MECOM: variants seen among roughly 807,000 people sequenced by gnomAD.
MECOM encodes the protein MDS1 and EVI1 complex locus.
A neutral mutation model predicts 116.3 loss-of-function variants in MECOM; 13 were observed. The observed-to-expected ratio is 0.11, with a 90% CI of 0.07 to 0.18. The LOEUF (loss-of-function observed/expected upper bound fraction) is 0.18. MECOM is among the 10% of genes least tolerant of loss of function. MECOM has a pLI of 1.00. For missense variants in MECOM, 1,299 were observed against 1,509.0 expected, an observed-to-expected ratio of 0.86 and a Z score of 2.31; for synonymous variants, 528 against 535.2, an observed-to-expected ratio of 0.99 and a Z score of 0.19.
At chr3:169,562,406 A>G (rs1762762092) in intron 1 of MECOM, among the ~76,000 whole-genome samples, 1 of 152,018 alleles carries the variant, frequency 6.6e-6, no homozygotes, top group Non-Finnish European at 1.5e-5. Flanking sequence ...GAGGTGTGGC[A>G]TGTTAGAAAT....
intron 1 of MECOM, among the ~76,000 whole-genome samples, chr3:169,462,272 A>G (rs1747573887): frequency 6.6e-6 from 1 of 152,148 alleles, no homozygotes; most frequent in East Asian, 1.9e-4. Context: ...CATTATATAG[A>G]TGTAATATTA....
chr3:169,161,147 C>A lies in MECOM; in HGVS notation c.376-17315G>T, dbSNP rs145280009. Among the ~76,000 whole-genome samples the A allele has an allele frequency of 6.2e-3, 948 of 152,300 alleles. 11 individuals are homozygous for A. The highest frequency in any genetic ancestry group is 0.02 in the African/African-American group (838 of 41,562). ...TTGATGATTAAGTCATGGTCACCAC[C>A]TTTAAGTAGCTTTAAAATCCAATGA... On this transcript the variant is annotated intron_variant, in intron 2 of 16. Transcript: ENST00000651503.
At position 169,378,505 on chromosome 3, in the gene MECOM, GA is replaced by G. The variant is rs1560197767; in HGVS notation, c.375+2681del. On this transcript the variant is annotated intron_variant, in intron 2 of 16. Transcript: ENST00000651503. ...AGAGAGAGAGAAAGAAAGAAAGAAA[GA>G]AAGAAAGAAAAGAAAGAAAGAAAGA... 1.3e-3 allele frequency among the ~76,000 whole-genome samples: 30 copies of G among 23,408 alleles called. 3 individuals are homozygous for G. Among genetic ancestry groups the G allele is most frequent in the Non-Finnish European group, 2.0e-3 (27 of 13,246 alleles). 15.4% of individuals were successfully genotyped at this position (23,408 alleles called of 152,430 possible). A position where few individuals can be genotyped will look rare whatever the true frequency, so the allele number is the denominator to read the frequency against.
At chr3:169,157,647 T>C (rs1417037479) in intron 2 of MECOM, among the ~76,000 whole-genome samples, 2 of 152,230 alleles carry the variant, frequency 1.3e-5, no homozygotes, top group Non-Finnish European at 2.9e-5. Flanking sequence ...GAGTAAATTC[T>C]TCAACTTCAA....
At position 169,556,027 on chromosome 3, in the gene MECOM, T is replaced by C. The variant is rs541140448; in HGVS notation, c.37+107309A>G. 3.9e-5 allele frequency among the ~76,000 whole-genome samples: 6 copies of C among 152,362 alleles called. No individual in the cohort carries two copies. The South Asian group carries it at 1.2e-3, about 32-fold the overall frequency. ...AGATTTACTTACAGCAAGCATCTTT[T>C]GTAGTTGAGAAAATGTGGATTGTAA... On this transcript the variant is annotated intron_variant, in intron 1 of 16. Coordinates refer to ENST00000651503, the MANE Select transcript of MECOM (RefSeq NM_004991.4).
intron 2 of MECOM, among the ~76,000 whole-genome samples, chr3:169,366,124 G>C (rs911636396): frequency 2.6e-5 from 4 of 151,922 alleles, no homozygotes; most frequent in South Asian, 4.2e-4. Flanking sequence ...CTTCATTAAG[G>C]CTAGATGAGG....
intron 1 of MECOM, among the ~76,000 whole-genome samples, chr3:169,381,984 G>C (rs1018864045): frequency 2.7e-4 from 41 of 152,278 alleles, no homozygotes; most frequent in Non-Finnish European, 4.3e-4. Flanking sequence ...TCCAAAGGCT[G>C]CCATGTGCCA....
chr3:169,088,865 T>G lies in MECOM; in HGVS notation c.3585+135A>C, dbSNP rs116591891. On this transcript the variant is annotated intron_variant, in intron 16 of 16. Coordinates refer to ENST00000651503, the MANE Select transcript of MECOM (RefSeq NM_004991.4). ...CATAAATACAGTAAAGATATGAACATTTTTAGAAAGGCATCTGACCCCATT... is the reference window on the plus strand; with the variant it reads ...CATAAATACAGTAAAGATATGAACAGTTTTAGAAAGGCATCTGACCCCATT... 2,514 of 736,004 alleles carry G rather than the reference T, an allele frequency of 3.4e-3. 4 individuals are homozygous for G. Among genetic ancestry groups the G allele is most frequent in the Admixed American group, 4.8e-3 (133 of 27,792 alleles). 45.6% of individuals were successfully genotyped at this position (736,004 alleles called of 1,614,324 possible).
intron 2 of MECOM, among the ~76,000 whole-genome samples, chr3:169,377,184 G>A (rs1284363946): frequency 6.6e-6 from 1 of 152,028 alleles, no homozygotes; most frequent in East Asian, 1.9e-4. Context: ...AACTCAAGAT[G>A]GATTAAGATT....
At chr3:169,251,294 G>T (rs983191607) in intron 2 of MECOM, among the ~76,000 whole-genome samples, 8 of 152,170 alleles carry the variant, frequency 5.3e-5, no homozygotes, top group Non-Finnish European at 1.2e-4. Flanking sequence ...GTTGGTACAA[G>T]TTTGAGTTAG....
intron 9 of MECOM, among the ~76,000 whole-genome samples, chr3:169,110,047 T>A (rs1017622030): frequency 6.6e-6 from 1 of 152,144 alleles, no homozygotes; most frequent in South Asian, 2.1e-4. Flanking sequence ...AAGATCCAGA[T>A]GCTGAGAGGG....
intron 1 of MECOM, among the ~76,000 whole-genome samples, chr3:169,560,449 A>G (rs1277735359): frequency 6.6e-6 from 1 of 152,132 alleles, no homozygotes; most frequent in East Asian, 1.9e-4. Context: ...TTTACTTTTA[A>G]TATTTAACAA....
chr3:169,521,939 G>A (rs1757396434), intron 1 of MECOM, among the ~76,000 whole-genome samples: 1 of 152,116 alleles, frequency 6.6e-6, no homozygotes, highest in African/African-American at 2.4e-5. Context: ...CATTGTATTA[G>A]GTAATATAAG....
intron 1 of MECOM, among the ~76,000 whole-genome samples, chr3:169,637,531 G>A (rs1772962194): frequency 6.6e-6 from 1 of 152,144 alleles, no homozygotes; most frequent in South Asian, 2.1e-4. Context: ...GATATTTGAG[G>A]CCTATGGATG....
In MECOM at chr3:169,460,360, C is replaced by CTTACAGAACA. The variant is rs561189797; in HGVS notation, c.38-78846_38-78837dup. The stretch of plus-strand genomic sequence containing the variant: ...AAAGTCAGTTTGGATTGCTGCCTAA[C>CTTACAGAACA]TTACAGAACATTTCAGAACAGACCT... On this transcript the variant is annotated intron_variant, in intron 1 of 16. Coordinates refer to ENST00000651503, the MANE Select transcript of MECOM (RefSeq NM_004991.4). 6.6e-5 allele frequency among the ~76,000 whole-genome samples: 10 copies of CTTACAGAACA among 152,122 alleles called. No homozygotes were observed. The East Asian group carries it at 1.7e-3, about 26-fold the overall frequency.
intron 2 of MECOM, among the ~76,000 whole-genome samples, chr3:169,158,320 T>C (rs1742316854): frequency 6.6e-6 from 1 of 152,200 alleles, no homozygotes; most frequent in Non-Finnish European, 1.5e-5. Flanking sequence ...TGCTGAATTT[T>C]AATCTTGGAA....
At chr3:169,206,854 C>T (rs1013062079) in intron 2 of MECOM, among the ~76,000 whole-genome samples, 14 of 151,514 alleles carry the variant, frequency 9.2e-5, no homozygotes, top group Non-Finnish European at 1.5e-4. Context: ...AAACAAATTC[C>T]AAGATGATTC....
At chr3:169,145,110 A>G in intron 2 of MECOM, 1 of 1,281,796 alleles carries the variant, frequency 7.8e-7, no homozygotes, top group Non-Finnish European at 1.1e-6. Context: ...AATTTAAAAA[A>G]GAAAAATCGA....
At position 169,663,413 on chromosome 3, in the gene MECOM, T is replaced by G; in HGVS notation, c.-41A>C. 6.3e-7 allele frequency: 1 copy of G among 1,586,224 alleles called. No individual in the cohort carries two copies. The highest frequency in any genetic ancestry group is 1.8e-5 in the Admixed American group (1 of 55,624). On this transcript the variant is annotated 5_prime_UTR_variant, in exon 1 of 17. Coordinates refer to ENST00000651503, the MANE Select transcript of MECOM (RefSeq NM_004991.4). ...GCAGCCGCTGGTGTGTGGTTGGGGC[T>G]TTTTTTTCTTGGATCCTTTCCTTCT...
Sources: gnomAD v4.1 joint callset for allele counts (sites outside exome capture counted in the v4.1 genomes callset) on GRCh38, gnomAD v4.1.1 for gene constraint, MANE v1.5 for transcripts, NCBI Gene and HGNC (gene_info 2026-07-23, HGNC 2026-07-21) for gene names.